KDM4C: variants seen among roughly 807,000 people sequenced by gnomAD.
KDM4C encodes lysine demethylase 4C.
In KDM4C, 81 loss-of-function variants were observed where a neutral mutation model predicts 129.3. The observed-to-expected ratio is 0.63, with a 90% CI of 0.52 to 0.75. The LOEUF (loss-of-function observed/expected upper bound fraction) is 0.75. Ranked by LOEUF, KDM4C falls within the 30% of genes least tolerant of loss-of-function variation. The pLI is 0.00. For synonymous variants in KDM4C, 573 were observed against 456.1 expected (o/e 1.26, Z -3.26); for missense variants, 1,457 against 1,304.0 (o/e 1.12, Z -1.81).
At chr9:7,044,499 A>T (rs140167530) in intron 15 of KDM4C, among the ~76,000 whole-genome samples, 7 of 151,972 alleles carry the variant, frequency 4.6e-5, no homozygotes, top group African/African-American at 1.7e-4. Context: ...GATGGCAGTG[A>T]TGATGGAGAG....
At chr9:6,842,502 T>C (rs1414855541) in intron 4 of KDM4C, among the ~76,000 whole-genome samples, 1 of 150,600 alleles carries the variant, frequency 6.6e-6, no homozygotes, top group East Asian at 2.0e-4. Context: ...GCCTGGCTAA[T>C]TTTTTTTTGT....
intron 8 of KDM4C, among the ~76,000 whole-genome samples, chr9:6,950,716 A>T (rs530890109): frequency 6.6e-5 from 10 of 152,326 alleles, no homozygotes; most frequent in African/African-American, 2.2e-4. Flanking sequence ...TCATTTACAT[A>T]AAAGTTGAAG....
rs568444891 is a variant in KDM4C at position 6,851,379 on chromosome 9, T to C, written c.629+1679T>C. Among the ~76,000 whole-genome samples, 217 of 152,332 alleles carry C rather than the reference T, an allele frequency of 1.4e-3. 1 individual carries two copies. The highest frequency in any genetic ancestry group is 4.4e-3 in the African/African-American group (182 of 41,582). ...CTGTAAAGTTTGTTGGAATGTCATCTTTTAGTTTTTTCAGAACTTAGCTTG... is the reference window on the plus strand; with the variant it reads ...CTGTAAAGTTTGTTGGAATGTCATCCTTTAGTTTTTTCAGAACTTAGCTTG... On this transcript the variant is annotated intron_variant, in intron 5 of 21. Coordinates refer to ENST00000381309, the MANE Select transcript of KDM4C (RefSeq NM_015061.6).
chr9:6,785,224 GT>G (rs1244352967), intron 1 of KDM4C, among the ~76,000 whole-genome samples: 1 of 152,180 alleles, frequency 6.6e-6, no homozygotes, highest in African/African-American at 2.4e-5. Context: ...CTTTGTTGTA[GT>G]TTCTTGTGTT....
chr9:6,864,836 C>T (rs1437240307), intron 5 of KDM4C, among the ~76,000 whole-genome samples: 1 of 150,682 alleles, frequency 6.6e-6, no homozygotes, highest in Non-Finnish European at 1.5e-5. Context: ...TTTTTTTCTC[C>T]TGTGTCTATG....
At chr9:6,936,117 T>G (rs950210984) in intron 8 of KDM4C, among the ~76,000 whole-genome samples, 1 of 152,188 alleles carries the variant, frequency 6.6e-6, no homozygotes, top group African/African-American at 2.4e-5. Flanking sequence ...GTAGCTTGAA[T>G]ATATGGAGTT....
At chr9:7,157,286 A>T (rs1843285344) in intron 19 of KDM4C, among the ~76,000 whole-genome samples, 1 of 152,206 alleles carries the variant, frequency 6.6e-6, no homozygotes, top group South Asian at 2.1e-4. Context: ...ATATACAATT[A>T]TGTCATGTGC....
intron 8 of KDM4C, among the ~76,000 whole-genome samples, chr9:6,926,037 G>A (rs1209109525): frequency 2.0e-5 from 3 of 152,188 alleles, no homozygotes; most frequent in East Asian, 3.9e-4. Flanking sequence ...TAGCCGCTGC[G>A]AACTGTAAAA....
At chr9:6,945,785 T>A (rs1826852339) in intron 8 of KDM4C, among the ~76,000 whole-genome samples, 2 of 152,164 alleles carry the variant, frequency 1.3e-5, no homozygotes, top group African/African-American at 4.8e-5. Flanking sequence ...AATCTTAACA[T>A]GTTAAGGTCT....
chr9:7,071,493 G>T (rs1433853647), intron 17 of KDM4C, among the ~76,000 whole-genome samples: 5 of 152,038 alleles, frequency 3.3e-5, no homozygotes, highest in Admixed American at 6.6e-5. Flanking sequence ...ATACACCTAT[G>T]GTCATGTGTT....
chr9:6,844,190 G>A (rs745889150), intron 4 of KDM4C, among the ~76,000 whole-genome samples: 6 of 152,020 alleles, frequency 3.9e-5, no homozygotes, highest in Non-Finnish European at 5.9e-5. Context: ...GTTTTATAAC[G>A]TTGGATTGAG....
At chr9:7,031,541 C>T (rs1826770978) in intron 15 of KDM4C, among the ~76,000 whole-genome samples, 1 of 152,034 alleles carries the variant, frequency 6.6e-6, no homozygotes, top group Admixed American at 6.6e-5. Flanking sequence ...TTTCCTTTTC[C>T]ACTTACAAAG....
intron 17 of KDM4C, among the ~76,000 whole-genome samples, chr9:7,050,079 G>C (rs1054335595): frequency 6.6e-6 from 1 of 152,044 alleles, no homozygotes; most frequent in Admixed American, 6.6e-5. Context: ...CCAATGGCGA[G>C]CTGGGTGTGC....
chr9:7,086,239 G>A (rs2132990006), intron 17 of KDM4C, among the ~76,000 whole-genome samples: 2 of 152,264 alleles, frequency 1.3e-5, no homozygotes, highest in Middle Eastern at 6.8e-3. Context: ...TCTAAAATTG[G>A]TAGATATTTC....
At chr9:7,115,289 G>C (rs918346437) in intron 18 of KDM4C, among the ~76,000 whole-genome samples, 2 of 151,998 alleles carry the variant, frequency 1.3e-5, no homozygotes, top group South Asian at 4.2e-4. Context: ...ATATTTCTCC[G>C]TTCCCAGGAA....
chr9:6,797,480 G>A (rs996253320), intron 2 of KDM4C, among the ~76,000 whole-genome samples: 5 of 151,964 alleles, frequency 3.3e-5, no homozygotes, highest in Non-Finnish European at 5.9e-5. Context: ...CACTTTGACT[G>A]TCTACAAAGT....
intron 4 of KDM4C, among the ~76,000 whole-genome samples, chr9:6,833,507 A>G (rs1324862063): frequency 6.6e-6 from 1 of 152,142 alleles, no homozygotes; most frequent in African/African-American, 2.4e-5. Context: ...CATGGGTTAG[A>G]ATTTTCATTC....
chr9:7,110,750 G>C (rs1838232333), intron 18 of KDM4C, among the ~76,000 whole-genome samples: 1 of 152,126 alleles, frequency 6.6e-6, no homozygotes, highest in Admixed American at 6.5e-5. Context: ...ATGAAAGTGG[G>C]GTAGAAATCT....
In KDM4C at chr9:6,935,326, C is replaced by G. The variant is rs537316834; in HGVS notation, c.921+42094C>G. 2.0e-5 allele frequency among the ~76,000 whole-genome samples: 3 copies of G among 146,458 alleles called. No homozygotes were observed. The East Asian group carries it at 5.9e-4, about 29-fold the overall frequency. ...TATTTTTAATCCCTACTCATCTCAC[C>G]TGTAATTTTCAAATGTTTGATTTTT... On this transcript the variant is annotated intron_variant, in intron 8 of 21. Transcript: ENST00000381309.
Sources: allele counts gnomAD v4.1 joint callset (sites outside exome capture counted in the v4.1 genomes callset), GRCh38; gene constraint gnomAD v4.1.1; transcripts MANE v1.5; gene names NCBI Gene and HGNC (gene_info 2026-07-23, HGNC 2026-07-21).